The following SLC2A13 variants were observed in gnomAD, a reference collection of about 807,000 sequenced individuals.
SLC2A13 encodes the protein proton myo-inositol cotransporter.
Under a neutral mutation model 64.4 loss-of-function variants are expected in SLC2A13, and 32 were observed. The observed-to-expected ratio is 0.50, with a 90% CI of 0.37 to 0.67. The LOEUF (loss-of-function observed/expected upper bound fraction) is 0.67. Ranked by LOEUF, SLC2A13 falls within the 30% of genes least tolerant of loss-of-function variation. The pLI is 0.00. For synonymous variants in SLC2A13, 338 were observed against 327.1 expected (o/e 1.03, Z -0.36); for missense variants, 743 against 829.2 (o/e 0.90, Z 1.28).
intron 1 of SLC2A13, among the ~76,000 whole-genome samples, chr12:40,080,345 C>T (rs4768212): frequency 0.95 from 144,553 of 152,278 alleles, 68,676 homozygotes; most frequent in African/African-American, 0.99. Context: ...TTATGCAACT[C>T]GTCACACTCT....
At chr12:39,859,431 G>C (rs1205113139) in intron 6 of SLC2A13, among the ~76,000 whole-genome samples, 1 of 149,972 alleles carries the variant, frequency 6.7e-6, no homozygotes, top group Non-Finnish European at 1.5e-5. Flanking sequence ...ACATGCCACT[G>C]TCCTGGTGAG....
chr12:40,031,570 C>T (rs1481749142), intron 2 of SLC2A13, among the ~76,000 whole-genome samples: 2 of 152,186 alleles, frequency 1.3e-5, no homozygotes, highest in Non-Finnish European at 2.9e-5. Flanking sequence ...TTTCATAAGA[C>T]TGCTGGGGGA....
At position 40,028,511 on chromosome 12, in the gene SLC2A13, T is replaced by C; in HGVS notation, c.717-2A>G. 1 of 1,610,868 alleles carries C rather than the reference T, an allele frequency of 6.2e-7. No individual in the cohort carries two copies. Among genetic ancestry groups the C allele is most frequent in the Non-Finnish European group, 8.5e-7 (1 of 1,179,058 alleles). On this transcript the variant is annotated splice_acceptor_variant, in intron 2 of 9. Coordinates refer to ENST00000280871, the MANE Select transcript of SLC2A13 (RefSeq NM_052885.4). LOFTEE classifies it high-confidence loss of function. Reference sequence around the variant, plus strand: ...ACTGCTGCAAGTCCCAACATGTACCTGCAAAGAAAAAAAATCCACATTTAC... The same window carrying C: ...ACTGCTGCAAGTCCCAACATGTACCCGCAAAGAAAAAAAATCCACATTTAC...
chr12:39,815,355 C>T (rs1409645154), intron 7 of SLC2A13, among the ~76,000 whole-genome samples: 1 of 152,178 alleles, frequency 6.6e-6, no homozygotes, highest in Non-Finnish European at 1.5e-5. Flanking sequence ...ATTTCTACTA[C>T]AAGTTTTTCA....
intron 4 of SLC2A13, among the ~76,000 whole-genome samples, chr12:39,897,500 C>G (rs1944956998): frequency 6.6e-6 from 1 of 152,172 alleles, no homozygotes; most frequent in Non-Finnish European, 1.5e-5. Context: ...ACTACAACTT[C>G]TAATTCAAAG....
intron 7 of SLC2A13, among the ~76,000 whole-genome samples, chr12:39,806,683 G>T (rs1273386356): frequency 1.3e-5 from 2 of 152,146 alleles, no homozygotes; most frequent in African/African-American, 4.8e-5. Flanking sequence ...ACAGTATACA[G>T]AAAGTTAATA....
In SLC2A13 at chr12:39,833,904, A is replaced by AG. The variant is rs1193283891; in HGVS notation, c.1320-3677_1320-3676insC. On this transcript the variant is annotated intron_variant, in intron 6 of 9. Transcript: ENST00000280871. ...TGAAGCATGGTCATAAAAAAAAAAA[A>AG]AAAAAAAAAATCTCTGACCTACATC... Among the ~76,000 whole-genome samples the AG allele has an allele frequency of 1.4e-4, 21 of 151,810 alleles. No homozygotes were observed. The East Asian group carries it at 2.9e-3, about 21-fold the overall frequency.
At chr12:39,801,752 C>T (rs931499521) in intron 7 of SLC2A13, among the ~76,000 whole-genome samples, 6 of 152,098 alleles carry the variant, frequency 3.9e-5, no homozygotes, top group Admixed American at 1.3e-4. Flanking sequence ...AAGGAAAGGG[C>T]GGGCTTAGAA....
chr12:39,945,912 G>C (rs915978994), intron 4 of SLC2A13, among the ~76,000 whole-genome samples: 3 of 134,628 alleles, frequency 2.2e-5, no homozygotes, highest in Admixed American at 8.8e-5. Context: ...GATTTTTTGT[G>C]GGGGGGTGTT....
At chr12:39,951,537 A>G (rs1176044608) in intron 3 of SLC2A13, among the ~76,000 whole-genome samples, 172 bp from the exon 4 acceptor site, 5 of 152,204 alleles carry the variant, frequency 3.3e-5, no homozygotes, top group Non-Finnish European at 7.3e-5. Flanking sequence ...TTTATTTTGC[A>G]AACAGATAGT....
At chr12:39,815,224 C>G (rs1942306982) in intron 7 of SLC2A13, among the ~76,000 whole-genome samples, 1 of 152,078 alleles carries the variant, frequency 6.6e-6, no homozygotes, top group Admixed American at 6.6e-5. Context: ...AAGAAACTTC[C>G]TGAATCCCAT....
At chr12:39,985,782 T>C (rs1261164560) in intron 3 of SLC2A13, among the ~76,000 whole-genome samples, 1 of 152,140 alleles carries the variant, frequency 6.6e-6, no homozygotes, top group South Asian at 2.1e-4. Flanking sequence ...AAACCTTTTC[T>C]GTTCTCTGCA....
intron 3 of SLC2A13, among the ~76,000 whole-genome samples, chr12:39,954,412 T>C (rs1190333186): frequency 1.3e-5 from 2 of 152,114 alleles, no homozygotes; most frequent in Admixed American, 6.5e-5. Context: ...AGTTGAGTAC[T>C]GATCAGTGTA....
At chr12:39,883,923 T>G (rs1944406740) in intron 4 of SLC2A13, among the ~76,000 whole-genome samples, 1 of 152,088 alleles carries the variant, frequency 6.6e-6, no homozygotes, top group Non-Finnish European at 1.5e-5. Context: ...CACAGAAAAA[T>G]AAGGCAAATC....
chr12:39,905,665 T>C (rs896727493), intron 4 of SLC2A13, among the ~76,000 whole-genome samples: 1 of 152,250 alleles, frequency 6.6e-6, no homozygotes, highest in East Asian at 1.9e-4. Flanking sequence ...AGACATCTTA[T>C]GTCTATAAAC....
chr12:40,039,610 T>G (rs1948050774), intron 2 of SLC2A13, among the ~76,000 whole-genome samples: 1 of 152,240 alleles, frequency 6.6e-6, no homozygotes, highest in Non-Finnish European at 1.5e-5. Context: ...CATCTTTCAC[T>G]TATCAGTCTA....
At position 39,917,125 on chromosome 12, in the gene SLC2A13, G is replaced by A. The variant is rs572364782; in HGVS notation, c.1034+34132C>T. Among the ~76,000 whole-genome samples, 4 of 152,198 alleles carry A rather than the reference G, an allele frequency of 2.6e-5. No homozygotes were observed. In the South Asian group the frequency reaches 8.3e-4, roughly 32 times the overall value. The stretch of plus-strand genomic sequence containing the variant: ...CAGGAGACACCCATCAATCAAATAT[G>A]TGCAAACAAATCTAAAATTCAAATT... On this transcript the variant is annotated intron_variant, in intron 4 of 9. Coordinates refer to ENST00000280871, the MANE Select transcript of SLC2A13 (RefSeq NM_052885.4).
At chr12:40,082,618 C>G (rs1350933248) in intron 1 of SLC2A13, among the ~76,000 whole-genome samples, 1 of 152,174 alleles carries the variant, frequency 6.6e-6, no homozygotes, top group African/African-American at 2.4e-5. Context: ...CCAGGTCTGG[C>G]AGCCAAAAAG....
chr12:39,821,739 G>C (rs1942516566), intron 7 of SLC2A13, among the ~76,000 whole-genome samples: 1 of 152,082 alleles, frequency 6.6e-6, no homozygotes, highest in African/African-American at 2.4e-5. Flanking sequence ...GAAATGACAG[G>C]GATTGGTTCC....
Sources: allele counts gnomAD v4.1 joint callset (sites outside exome capture counted in the v4.1 genomes callset), GRCh38; gene constraint gnomAD v4.1.1; transcripts MANE v1.5; gene names NCBI Gene and HGNC (gene_info 2026-07-23, HGNC 2026-07-21).